Variants in KCNJ16 observed in about 807,000 individuals in gnomAD.
KCNJ16 encodes the protein potassium inwardly rectifying channel subfamily J member 16, also known as inward rectifier potassium channel 16.
In KCNJ16, 15 loss-of-function variants were observed where a neutral mutation model predicts 18.5. That is an observed-to-expected ratio of 0.81 (90% confidence interval 0.54 to 1.25). The LOEUF (loss-of-function observed/expected upper bound fraction) is 1.25. Ranked by LOEUF, KCNJ16 falls within the 50% of genes most tolerant of loss-of-function variation. The pLI, the probability that KCNJ16 is intolerant of heterozygous loss-of-function variation, is 0.00. For missense variants in KCNJ16, 523 were observed against 525.7 expected (o/e 0.99, Z 0.05); for synonymous variants, 174 against 186.5 (o/e 0.93, Z 0.55).
chr17:70,129,459 T>C (rs1338000498), intron 2 of KCNJ16, among the ~76,000 whole-genome samples: 1 of 152,210 alleles, frequency 6.6e-6, no homozygotes, highest in Non-Finnish European at 1.5e-5. Context: ...ACTTCTTTGC[T>C]CATTGGGTAG....
intron 2 of KCNJ16, among the ~76,000 whole-genome samples, chr17:70,119,573 C>T (rs187175864): frequency 5.6e-4 from 86 of 152,290 alleles, no homozygotes; most frequent in Middle Eastern, 3.4e-3. Flanking sequence ...TAGAAGTCAC[C>T]GAGGATTATG....
chr17:70,085,491 G>A (rs772164762), intron 1 of KCNJ16, among the ~76,000 whole-genome samples: 6 of 152,124 alleles, frequency 3.9e-5, no homozygotes, highest in Non-Finnish European at 5.9e-5. Context: ...GTCTTCTAAA[G>A]AGCCTCAATT....
intron 1 of KCNJ16, among the ~76,000 whole-genome samples, chr17:70,095,703 TC>T (rs1274270224): frequency 6.6e-6 from 1 of 152,012 alleles, no homozygotes; most frequent in African/African-American, 2.4e-5. Context: ...CTATACAGAA[TC>T]TTTTAAATGG....
At chr17:70,080,410 A>T (rs1294044647) in intron 1 of KCNJ16, among the ~76,000 whole-genome samples, 1 of 152,172 alleles carries the variant, frequency 6.6e-6, no homozygotes, top group Non-Finnish European at 1.5e-5. Flanking sequence ...TGCAGGTATG[A>T]CTATATATCC....
At chr17:70,087,499 C>T (rs1244058313) in intron 1 of KCNJ16, among the ~76,000 whole-genome samples, 3 of 151,998 alleles carry the variant, frequency 2.0e-5, no homozygotes, top group African/African-American at 2.4e-5. Flanking sequence ...GTCAAGAATT[C>T]GAGATCAGCC....
At chr17:70,094,897 A>G (rs774584582) in intron 1 of KCNJ16, among the ~76,000 whole-genome samples, 16 of 152,356 alleles carry the variant, frequency 1.1e-4, no homozygotes, top group Admixed American at 2.0e-4. Context: ...ATTTGTCCAC[A>G]GAAAATCATC....
intron 1 of KCNJ16, among the ~76,000 whole-genome samples, chr17:70,087,486 G>C (rs915669203): frequency 1.3e-5 from 2 of 152,094 alleles, no homozygotes; most frequent in Non-Finnish European, 2.9e-5. Context: ...CGGATCATTT[G>C]AGGTCAAGAA....
At chr17:70,099,048 A>G (rs6501374) in intron 1 of KCNJ16, among the ~76,000 whole-genome samples, 126,529 of 151,730 alleles carry the variant, frequency 0.83, 52,910 homozygotes, top group East Asian at 0.96. Context: ...ACAGAAATGA[A>G]AAACTCTACA....
chr17:70,105,585 T>C (rs1015567415), intron 2 of KCNJ16, among the ~76,000 whole-genome samples: 3 of 152,198 alleles, frequency 2.0e-5, no homozygotes, highest in Non-Finnish European at 4.4e-5. Context: ...ACTAAAAATA[T>C]AGACAGAAAT....
At chr17:70,097,676 C>T (rs1238539783) in intron 1 of KCNJ16, among the ~76,000 whole-genome samples, 3 of 152,130 alleles carry the variant, frequency 2.0e-5, no homozygotes, top group Non-Finnish European at 4.4e-5. Flanking sequence ...TTACCCACTA[C>T]CCCTATTTAA....
chr17:70,127,268 A>C (rs1413902032), intron 2 of KCNJ16, among the ~76,000 whole-genome samples: 3 of 152,044 alleles, frequency 2.0e-5, no homozygotes, highest in Non-Finnish European at 4.4e-5. Context: ...ACTTGTCACC[A>C]AAGGAGAAAC....
intron 1 of KCNJ16, among the ~76,000 whole-genome samples, chr17:70,088,098 A>G (rs4246424): frequency 0.9 from 135,286 of 150,104 alleles, 61,095 homozygotes; most frequent in East Asian, 1. Flanking sequence ...GCACCTCACC[A>G]CCACAAAACT....
Position 70,133,059 on chromosome 17 carries a change from C to T in KCNJ16, c.972C>T (p.Asn324=), listed in dbSNP as rs967210348. The T allele has an allele frequency of 4.3e-6, 7 of 1,614,120 alleles. No homozygotes were observed. Among genetic ancestry groups the T allele is most frequent in the Non-Finnish European group, 5.9e-6 (7 of 1,180,014 alleles). The change falls in exon 4 of 4, where the codon AAC becomes AAT. Residue 324 remains asparagine (N), a synonymous_variant. Coordinates refer to ENST00000392671, the MANE Select transcript of KCNJ16 (RefSeq NM_170741.4). ...LEVKRKYYKV[N]CLQFEGSVEV... ...TTAAGAGGAAGTATTACAAAGTGAA[C>T]TGCTTACAGTTTGAAGGAAGTGTGG...
At chr17:70,099,764 A>C (rs1437473690) in intron 1 of KCNJ16, among the ~76,000 whole-genome samples, 1 of 152,172 alleles carries the variant, frequency 6.6e-6, no homozygotes, top group African/African-American at 2.4e-5. Context: ...AATTCGCTCA[A>C]ATTCACACAA....
At chr17:70,082,922 G>T (rs1161982215) in intron 1 of KCNJ16, among the ~76,000 whole-genome samples, 2 of 152,054 alleles carry the variant, frequency 1.3e-5, no homozygotes, top group Admixed American at 6.6e-5. Flanking sequence ...TTTAAAGTAA[G>T]TAATTCTCCA....
At chr17:70,079,836 G>T (rs1039548586) in intron 1 of KCNJ16, among the ~76,000 whole-genome samples, 4 of 152,086 alleles carry the variant, frequency 2.6e-5, no homozygotes, top group African/African-American at 7.2e-5. Flanking sequence ...CCAAGTAGCT[G>T]GGATTACAGG....
intron 3 of KCNJ16, among the ~76,000 whole-genome samples, 168 bp downstream of exon 3, chr17:70,131,143 T>C (rs1004067451): frequency 7.4e-5 from 11 of 147,876 alleles, no homozygotes; most frequent in African/African-American, 2.8e-4. Flanking sequence ...TTAGCAACTT[T>C]GGCAAATTTT....
chr17:70,109,854 C>T (rs2143982954), intron 2 of KCNJ16, among the ~76,000 whole-genome samples: 1 of 152,266 alleles, frequency 6.6e-6, no homozygotes, highest in African/African-American at 2.4e-5. Flanking sequence ...TGGGATGATC[C>T]TCTCAGCTCC....
chr17:70,092,593 A>G (rs2072171023), intron 1 of KCNJ16, among the ~76,000 whole-genome samples: 1 of 151,602 alleles, frequency 6.6e-6, no homozygotes, highest in Non-Finnish European at 1.5e-5. Flanking sequence ...ATAGATAGAT[A>G]GATAGATAGA....
Sources: gnomAD v4.1 joint callset for allele counts (sites outside exome capture counted in the v4.1 genomes callset) on GRCh38, gnomAD v4.1.1 for gene constraint, MANE v1.5 for transcripts, NCBI Gene and HGNC (gene_info 2026-07-23, HGNC 2026-07-21) for gene names.